MCC: variants seen among roughly 807,000 people sequenced by gnomAD.
The protein encoded by MCC is colorectal mutant cancer protein.
MCC carries 90 observed loss-of-function variants against 116.2 expected under a neutral mutation model. That is an observed-to-expected ratio of 0.77 (90% CI 0.65 to 0.92). The LOEUF (loss-of-function observed/expected upper bound fraction) is 0.92. Among genes scored for constraint, MCC ranks in the 40% least tolerant of loss-of-function variants. The pLI, the probability that MCC is intolerant of heterozygous loss-of-function variation, is 0.00. For synonymous variants in MCC, 578 were observed against 510.5 expected (o/e 1.13, Z -1.78); for missense variants, 1,516 against 1,312.2 (o/e 1.16, Z -2.40).
At chr5:113,355,315 C>T (rs1351848942) in intron 2 of MCC, among the ~76,000 whole-genome samples, 1 of 152,088 alleles carries the variant, frequency 6.6e-6, no homozygotes, top group African/African-American at 2.4e-5. Flanking sequence ...ATTTCTATTA[C>T]CTTTTAAAAC....
At position 113,237,144 on chromosome 5, in the gene MCC, G is replaced by A. The variant is rs148887349; in HGVS notation, c.628-85722C>T. On this transcript the variant is annotated intron_variant, in intron 3 of 18. Transcript: ENST00000408903. ...ACGCCTTCAGGGAATAAATCATGGC[G>A]TATACAATCCACTAAGTATCTTGCT... Among the ~76,000 whole-genome samples, 167 of 152,256 alleles carry A rather than the reference G, an allele frequency of 1.1e-3. 1 individual carries two copies. The Middle Eastern group carries it at 0.017, about 16-fold the overall frequency.
intron 6 of MCC, among the ~76,000 whole-genome samples, chr5:113,111,780 A>C (rs747254791): frequency 9.9e-5 from 15 of 152,192 alleles, no homozygotes; most frequent in Non-Finnish European, 1.0e-4. Flanking sequence ...ATACTTTGGA[A>C]ATCTGGAAAG....
At chr5:113,486,875 T>C (rs1772547614) in intron 1 of MCC, among the ~76,000 whole-genome samples, 1 of 151,710 alleles carries the variant, frequency 6.6e-6, no homozygotes, top group African/African-American at 2.4e-5. Flanking sequence ...AGTTGGAGTT[T>C]GCCTTTATTA....
chr5:113,039,639 A>G (rs926378959), intron 17 of MCC, among the ~76,000 whole-genome samples: 1 of 152,132 alleles, frequency 6.6e-6, no homozygotes, highest in African/African-American at 2.4e-5. Context: ...GAGAATGTAG[A>G]AACATGCAGA....
chr5:113,162,893 G>A (rs13159631), intron 3 of MCC, among the ~76,000 whole-genome samples: 82,390 of 152,012 alleles, frequency 0.54, 24,646 homozygotes, highest in Non-Finnish European at 0.66. Flanking sequence ...ACAGTGGTAC[G>A]TTACTATCCT....
At chr5:113,315,517 A>C (rs1767257104) in intron 3 of MCC, among the ~76,000 whole-genome samples, 1 of 152,164 alleles carries the variant, frequency 6.6e-6, no homozygotes, top group Non-Finnish European at 1.5e-5. Context: ...AATTATGTTA[A>C]GTAATTTCAG....
chr5:113,143,643 C>A (rs1007620842), intron 4 of MCC, among the ~76,000 whole-genome samples: 1 of 152,198 alleles, frequency 6.6e-6, no homozygotes, highest in African/African-American at 2.4e-5. Flanking sequence ...CTATTCAAGT[C>A]CCCCACTTTC....
At chr5:113,204,504 T>G (rs1331213970) in intron 3 of MCC, 1 of 152,248 alleles carries the variant, frequency 6.6e-6, no homozygotes, top group African/African-American at 2.4e-5. Flanking sequence ...ATTTTTAGTA[T>G]TAAAATACCT....
chr5:113,242,734 A>C (rs933522582), intron 3 of MCC, among the ~76,000 whole-genome samples: 1 of 152,166 alleles, frequency 6.6e-6, no homozygotes, highest in African/African-American at 2.4e-5. Flanking sequence ...GTTCAAGACC[A>C]TGCACCACAG....
At chr5:113,409,124 G>A (rs1177486579) in intron 1 of MCC, among the ~76,000 whole-genome samples, 3 of 152,128 alleles carry the variant, frequency 2.0e-5, no homozygotes, top group Non-Finnish European at 2.9e-5. Flanking sequence ...CACAGAGATC[G>A]AGATTCCCAC....
At chr5:113,085,595 A>G (rs946986269) in intron 8 of MCC, among the ~76,000 whole-genome samples, 2 of 152,216 alleles carry the variant, frequency 1.3e-5, no homozygotes, top group Non-Finnish European at 2.9e-5. Context: ...CCATATTCTT[A>G]ACGGAATCTG....
intron 6 of MCC, among the ~76,000 whole-genome samples, chr5:113,116,288 A>G (rs916978996): frequency 1.3e-5 from 2 of 152,198 alleles, no homozygotes; most frequent in African/African-American, 2.4e-5. Context: ...ATATTTTCTC[A>G]TAGCAGCAAT....
chr5:113,068,393 T>C (rs1353202300), intron 12 of MCC, among the ~76,000 whole-genome samples: 4 of 152,218 alleles, frequency 2.6e-5, no homozygotes, highest in African/African-American at 9.7e-5. Context: ...AACTTGGTTC[T>C]GGAAAAATAC....
chr5:113,042,562 T>A (rs1296047458), intron 17 of MCC, among the ~76,000 whole-genome samples: 3 of 149,874 alleles, frequency 2.0e-5, no homozygotes, highest in Admixed American at 1.3e-4. Flanking sequence ...ACAGATTTAA[T>A]CACCAAAATA....
Position 113,152,155 on chromosome 5 carries a change from C to A in MCC, c.628-733G>T, listed in dbSNP as rs1759919612. Among the ~76,000 whole-genome samples the A allele has an allele frequency of 2.6e-5, 4 of 152,318 alleles. No homozygotes were observed. The South Asian group carries it at 8.3e-4, about 32-fold the overall frequency. ...TTCTGCAGCCATTTCTCTGGGTTAA[C>A]TGGAGTTAGAAAGAATGTTCTTCAA... On this transcript the variant is annotated intron_variant, in intron 3 of 18. Coordinates refer to ENST00000408903, the MANE Select transcript of MCC (RefSeq NM_001085377.2).
chr5:113,442,192 T>C (rs1239894926), intron 1 of MCC, among the ~76,000 whole-genome samples: 1 of 152,190 alleles, frequency 6.6e-6, no homozygotes, highest in Non-Finnish European at 1.5e-5. Flanking sequence ...ATGATCCCCA[T>C]TCTAACTGGC....
At chr5:113,391,338 T>C (rs1580323622) in intron 1 of MCC, among the ~76,000 whole-genome samples, 1 of 152,120 alleles carries the variant, frequency 6.6e-6, no homozygotes, top group South Asian at 2.1e-4. Context: ...GCCAGTGTGA[T>C]GAATTGTGAG....
intron 3 of MCC, among the ~76,000 whole-genome samples, chr5:113,152,091 C>T (rs757665558): frequency 2.0e-5 from 3 of 152,142 alleles, no homozygotes; most frequent in African/African-American, 2.4e-5. Context: ...TGACAAATGA[C>T]GCTGTGAAAA....
chr5:113,288,938 G>C (rs1163348285), intron 3 of MCC, among the ~76,000 whole-genome samples: 1 of 152,192 alleles, frequency 6.6e-6, no homozygotes, highest in African/African-American at 2.4e-5. Flanking sequence ...GAAGTGCTTA[G>C]AAAATGTGAT....
Sources: gnomAD v4.1 joint callset for allele counts (sites outside exome capture counted in the v4.1 genomes callset) on GRCh38, gnomAD v4.1.1 for gene constraint, MANE v1.5 for transcripts, NCBI Gene and HGNC (gene_info 2026-07-23, HGNC 2026-07-21) for gene names.